DNAH5: variants seen among roughly 807,000 people sequenced by gnomAD.
DNAH5 encodes the protein dynein axonemal heavy chain 5.
Under a neutral mutation model 518.2 loss-of-function variants are expected in DNAH5, and 372 were observed. The ratio of observed to expected loss-of-function variants is 0.72; its 90% CI spans 0.66 to 0.78. The LOEUF (loss-of-function observed/expected upper bound fraction) is 0.78. Among genes scored for constraint, DNAH5 ranks in the 30% least tolerant of loss-of-function variants. DNAH5 has a pLI of 0.00. For missense variants in DNAH5, 5,523 were observed against 5,687.0 expected, an observed-to-expected ratio of 0.97 and a Z score of 0.93; for synonymous variants, 2,039 against 2,025.9, an observed-to-expected ratio of 1.01 and a Z score of -0.17.
At chr5:14,009,411 C>T (rs564444598) in intron 1 of DNAH5, among the ~76,000 whole-genome samples, 2 of 152,270 alleles carry the variant, frequency 1.3e-5, no homozygotes, top group Admixed American at 6.5e-5. Context: ...TGCCTTCCTG[C>T]GAGAATTGAA....
intron 78 of DNAH5, among the ~76,000 whole-genome samples, chr5:13,694,111 G>A (rs1330641172): frequency 2.0e-5 from 3 of 152,060 alleles, no homozygotes; most frequent in Non-Finnish European, 4.4e-5. Context: ...TAAGCCTTTG[G>A]TGCCTTACAT....
intron 36 of DNAH5, among the ~76,000 whole-genome samples, 167 bp from the exon 37 acceptor site, chr5:13,830,380 C>T (rs555997333): frequency 6.6e-6 from 1 of 151,712 alleles, no homozygotes; most frequent in South Asian, 2.1e-4. Context: ...TACAATTTGG[C>T]ACTTCACCTG....
rs1751377263 is a variant in DNAH5, at chr5:13,758,832, C to G, written c.10419+14G>C. 2 of 1,613,696 alleles carry G rather than the reference C, an allele frequency of 1.2e-6. No individual in the cohort carries two copies. Among genetic ancestry groups the G allele is most frequent in the Admixed American group, 3.3e-5 (2 of 59,990 alleles). On this transcript the variant is annotated intron_variant, in intron 61 of 78. Transcript: ENST00000265104. ...AGATATGTGACAGTCCCTGCCATGA[C>G]AAAGGGCAGTTACCTGCTTTTCAGT...
At chr5:13,972,289 C>G (rs945574640) in intron 1 of DNAH5, among the ~76,000 whole-genome samples, 1 of 152,212 alleles carries the variant, frequency 6.6e-6, no homozygotes, top group African/African-American at 2.4e-5. Flanking sequence ...CATGCCTCCC[C>G]ACCTGGCGCA....
At chr5:13,774,944 G>A (rs1753858515) in intron 55 of DNAH5, among the ~76,000 whole-genome samples, 1 of 152,124 alleles carries the variant, frequency 6.6e-6, no homozygotes, top group Non-Finnish European at 1.5e-5. Flanking sequence ...AGCATTTTAT[G>A]AAGTACTTGC....
chr5:13,943,856 T>C (rs907555502), intron 1 of DNAH5, among the ~76,000 whole-genome samples: 1 of 152,184 alleles, frequency 6.6e-6, no homozygotes, highest in Non-Finnish European at 1.5e-5. Context: ...TCCCTCTCTA[T>C]GCATTTGCAT....
rs539524852 is a variant in DNAH5 at position 13,823,426 on chromosome 5, T to A, written c.6580-56A>T. 4.2e-6 allele frequency: 5 copies of A among 1,189,198 alleles called. No homozygotes were observed. In the South Asian group the frequency reaches 6.1e-5, roughly 14 times the overall value. 73.7% of individuals were successfully genotyped at this position (1,189,198 alleles called of 1,614,324 possible). On this transcript the variant is annotated intron_variant, in intron 39 of 78. Coordinates refer to ENST00000265104, the MANE Select transcript of DNAH5 (RefSeq NM_001369.3). ...TTATTCTGGTATAAACATATCAATA[T>A]GCAGATAAACTGGAAATGCCCAACA... is the stretch of plus-strand genomic sequence containing the variant.
rs1747659412 is a variant in DNAH5, at chr5:13,737,334, T to C, written c.11373A>G (p.Thr3791=). The C allele has an allele frequency of 6.2e-7, 1 of 1,614,050 alleles. No individual in the cohort carries two copies. Among genetic ancestry groups the C allele is most frequent in the Admixed American group, 1.7e-5 (1 of 59,996 alleles). ...CTAGCTTCTGTGTCACCTCCTCGGC[T>C]GTCCTTTTTGTGTTACTCAGCACGA... The part of the protein sequence containing the change: ...LIVVLSNTKR[T]AEEVTQKLEI... Residue 3791 remains threonine, a synonymous_variant, in exon 66 of 79, where the codon ACA becomes ACG. Transcript: ENST00000265104.
intron 78 of DNAH5, among the ~76,000 whole-genome samples, chr5:13,696,106 C>T (rs1248119117): frequency 5.9e-5 from 9 of 152,116 alleles, no homozygotes. Flanking sequence ...AGACGGTGTT[C>T]TTAGATACAC....
At chr5:13,788,319 G>A (rs1756391735) in intron 51 of DNAH5, among the ~76,000 whole-genome samples, 1 of 152,058 alleles carries the variant, frequency 6.6e-6, no homozygotes, top group Non-Finnish European at 1.5e-5. Flanking sequence ...GACTCCCCAC[G>A]GTGCATGTGA....
At chr5:13,974,170 C>G (rs1228968306) in intron 1 of DNAH5, among the ~76,000 whole-genome samples, 1 of 146,078 alleles carries the variant, frequency 6.8e-6, no homozygotes, top group Non-Finnish European at 1.5e-5. Flanking sequence ...GGGCCTCACT[C>G]TGTCACCAAG....
chr5:13,791,279 G>C (rs1337935566), intron 50 of DNAH5, among the ~76,000 whole-genome samples: 2 of 152,076 alleles, frequency 1.3e-5, no homozygotes, highest in African/African-American at 4.8e-5. Context: ...TACTTCTTTA[G>C]CTCTAGAAAG....
Position 13,840,882 on chromosome 5 carries a change from C to T in DNAH5, c.5709+24G>A, listed in dbSNP as rs746219657. ...TCTAGAATTTGTTTTTCTCTACATGCCACAGCATTTATAAAGAATTTACCA... is the reference window on the plus strand; with the variant it reads ...TCTAGAATTTGTTTTTCTCTACATGTCACAGCATTTATAAAGAATTTACCA... On this transcript the variant is annotated intron_variant, in intron 34 of 78. Transcript: ENST00000265104. 19 of 1,598,374 alleles carry T rather than the reference C, an allele frequency of 1.2e-5. No homozygotes were observed. In the East Asian group the frequency reaches 1.6e-4, roughly 13 times the overall value.
At chr5:13,890,938 C>T in intron 17 of DNAH5, 38 bp downstream of exon 17, 1 of 1,612,980 alleles carries the variant, frequency 6.2e-7, no homozygotes. Context: ...AATGAATCAC[C>T]AAAAACCTTA....
chr5:13,777,486 C>G, intron 53 of DNAH5, 131 bp from the exon 54 acceptor site: 1 of 686,064 alleles, frequency 1.5e-6, no homozygotes, highest in South Asian at 1.8e-5. Context: ...CGTATGTATT[C>G]TATATGAATG....
At chr5:13,866,752 G>C (rs1769312860) in intron 25 of DNAH5, among the ~76,000 whole-genome samples, 1 of 152,154 alleles carries the variant, frequency 6.6e-6, no homozygotes, top group Non-Finnish European at 1.5e-5. Context: ...CATGGCGTTG[G>C]TACATGGGTC....
At chr5:13,881,915 A>G (rs1414147089) in intron 21 of DNAH5, among the ~76,000 whole-genome samples, 1 of 152,102 alleles carries the variant, frequency 6.6e-6, no homozygotes, top group African/African-American at 2.4e-5. Flanking sequence ...AAAGCTACAC[A>G]AAGTTGACAA....
At chr5:13,914,772 T>C in intron 9 of DNAH5, 130 bp from the exon 10 acceptor site, 1 of 919,982 alleles carries the variant, frequency 1.1e-6, no homozygotes, top group Non-Finnish European at 1.7e-6. Context: ...GTTTATTTTT[T>C]TTCCATCACA....
At chr5:13,899,531 TA>T (rs1384233723) in intron 15 of DNAH5, 1 of 152,394 alleles carries the variant, frequency 6.6e-6, no homozygotes, top group Non-Finnish European at 1.5e-5. Flanking sequence ...CTTGGCTGTC[TA>T]AAAACTATCT....
Sources: allele counts gnomAD v4.1 joint callset (sites outside exome capture counted in the v4.1 genomes callset), GRCh38; gene constraint gnomAD v4.1.1; transcripts MANE v1.5; gene names NCBI Gene and HGNC (gene_info 2026-07-23, HGNC 2026-07-21).